CTNND2: variants seen among roughly 807,000 people sequenced by gnomAD.
CTNND2 encodes the protein catenin delta 2, also known as catenin delta-2.
In CTNND2, 22 loss-of-function variants were observed where a neutral mutation model predicts 144.4. That is an observed-to-expected ratio of 0.15 (90% confidence interval 0.11 to 0.22). The LOEUF (loss-of-function observed/expected upper bound fraction) is 0.22, where lower values mean the gene tolerates loss of function less well. CTNND2 is among the 10% of genes least tolerant of loss of function. The probability of loss-of-function intolerance (pLI) is 1.00; values close to 1 mark genes in which losing one functional copy is unlikely to be tolerated. For synonymous variants in CTNND2, 751 were observed against 695.6 expected (o/e 1.08, Z -1.25); for missense variants, 1,353 against 1,618.8 (o/e 0.84, Z 2.82).
At chr5:11,654,879 T>C (rs1438126156) in intron 2 of CTNND2, among the ~76,000 whole-genome samples, 1 of 152,068 alleles carries the variant, frequency 6.6e-6, no homozygotes, top group South Asian at 2.1e-4. Flanking sequence ...ATGATGTTAG[T>C]TGCAGCCTTG....
intron 16 of CTNND2, among the ~76,000 whole-genome samples, chr5:11,055,839 G>A (rs1423749166): frequency 6.6e-6 from 1 of 152,192 alleles, no homozygotes; most frequent in Non-Finnish European, 1.5e-5. Flanking sequence ...GGTCCTTGTG[G>A]ATGGCAGGTA....
chr5:11,253,119 A>T (rs1355504607), intron 9 of CTNND2, among the ~76,000 whole-genome samples: 1 of 152,140 alleles, frequency 6.6e-6, no homozygotes, highest in African/African-American at 2.4e-5. Context: ...AAAAGGTCAT[A>T]CCTGAAGAAA....
At chr5:11,618,402 G>A (rs1304916408) in intron 2 of CTNND2, among the ~76,000 whole-genome samples, 1 of 152,148 alleles carries the variant, frequency 6.6e-6, no homozygotes, top group Non-Finnish European at 1.5e-5. Flanking sequence ...GCTAGTTCAG[G>A]TCAGGTTTGG....
Position 11,365,673 on chromosome 5 carries a change from C to T in CTNND2, c.1178-783G>A, listed in dbSNP as rs565119635. On this transcript the variant is annotated intron_variant, in intron 7 of 21. Coordinates refer to ENST00000304623, the MANE Select transcript of CTNND2 (RefSeq NM_001332.4). ...GGCAATGCTATGGACCAGAGAATCA[C>T]GAGAAAGTCTCTGAAGAAAGGAAGC... 6.6e-5 allele frequency among the ~76,000 whole-genome samples: 10 copies of T among 152,202 alleles called. No homozygotes were observed. The South Asian group carries it at 1.7e-3, about 25-fold the overall frequency.
At position 11,384,586 on chromosome 5, in the gene CTNND2, T is replaced by G; in HGVS notation, c.1177+79A>C. 7.2e-7 allele frequency: 1 copy of G among 1,390,268 alleles called. No homozygotes were observed. The highest frequency in any genetic ancestry group is 2.5e-5 in the East Asian group (1 of 40,296). 86.1% of individuals were successfully genotyped at this position (1,390,268 alleles called of 1,614,324 possible). ...GGCAGACAGCGCGCCCGGCTTCGCT[T>G]CTGCTCAAGCCGGGCTGCTGCTTCC... On this transcript the variant is annotated intron_variant, in intron 7 of 21. Transcript: ENST00000304623. The surrounding 1 kb of genome is among the most constrained non-coding windows in gnomAD (Gnocchi z 5.2).
chr5:11,695,104 C>T (rs904069153), intron 2 of CTNND2, among the ~76,000 whole-genome samples: 5 of 151,984 alleles, frequency 3.3e-5, no homozygotes, highest in African/African-American at 4.8e-5. Context: ...GATAGAAAAC[C>T]ACTAGCTTCC....
chr5:11,569,609 C>T (rs1017325911), intron 2 of CTNND2, among the ~76,000 whole-genome samples: 1 of 151,958 alleles, frequency 6.6e-6, no homozygotes, highest in Non-Finnish European at 1.5e-5. Context: ...AAACTCATCG[C>T]CATAGTTTCA....
intron 2 of CTNND2, among the ~76,000 whole-genome samples, chr5:11,603,381 C>T (rs1204320550): frequency 6.6e-6 from 1 of 152,156 alleles, no homozygotes; most frequent in Non-Finnish European, 1.5e-5. Flanking sequence ...GTCACAGTTG[C>T]AGTGGCTCTC....
chr5:11,560,408 T>C (rs2150099989), intron 3 of CTNND2, among the ~76,000 whole-genome samples: 1 of 152,314 alleles, frequency 6.6e-6, no homozygotes, highest in African/African-American at 2.4e-5. Context: ...ATAAGAGTGG[T>C]CCAACTGTGA....
At position 11,167,696 on chromosome 5, in the gene CTNND2, C is replaced by CT. The variant is rs34347219; in HGVS notation, c.1976-7938dup. On this transcript the variant is annotated intron_variant, in intron 11 of 21. Coordinates refer to ENST00000304623, the MANE Select transcript of CTNND2 (RefSeq NM_001332.4). ...GGCAAGAAGCCAGAAGTCATATTCA[C>CT]TTTTTTTTTTTTTTTTTCAGACAGA... Among the ~76,000 whole-genome samples the CT allele has an allele frequency of 7.4e-3, 1,020 of 137,762 alleles. 2 individuals carry two copies. The highest frequency in any genetic ancestry group is 0.012 in the African/African-American group (448 of 37,754). 90.4% of individuals were successfully genotyped at this position (137,762 alleles called of 152,430 possible).
chr5:11,311,376 A>G (rs2530221), intron 9 of CTNND2, among the ~76,000 whole-genome samples: 44,993 of 73,280 alleles, frequency 0.61, 12,679 homozygotes, highest in East Asian at 0.64. Flanking sequence ...CATATACTCT[A>G]ACATTCTCTC....
At chr5:11,532,406 CATAAG>C (rs1460657473) in intron 3 of CTNND2, among the ~76,000 whole-genome samples, 1 of 147,142 alleles carries the variant, frequency 6.8e-6, no homozygotes, top group Non-Finnish European at 1.5e-5. Flanking sequence ...TTATTGGAAA[CATAAG>C]ATATTTAATT....
In CTNND2 at chr5:11,358,337, T is replaced by G. The variant is rs546841129; in HGVS notation, c.1372+6359A>C. Among the ~76,000 whole-genome samples the G allele has an allele frequency of 2.6e-5, 4 of 152,328 alleles. No homozygotes were observed. The South Asian group carries it at 8.3e-4, about 32-fold the overall frequency. On this transcript the variant is annotated intron_variant, in intron 8 of 21. Transcript: ENST00000304623. The stretch of plus-strand genomic sequence containing the variant: ...ATTAGACTTCTTATTTATACCTTTT[T>G]AAGTGAATCCACACAGGTAAGCATC...
At chr5:11,483,205 ATG>A (rs2149979384) in intron 3 of CTNND2, among the ~76,000 whole-genome samples, 1 of 152,304 alleles carries the variant, frequency 6.6e-6, no homozygotes, top group African/African-American at 2.4e-5. Flanking sequence ...TTGAATACAC[ATG>A]TGATAACAGG....
intron 18 of CTNND2, among the ~76,000 whole-genome samples, chr5:11,010,911 C>T (rs1741007614): frequency 6.6e-6 from 1 of 152,238 alleles, no homozygotes; most frequent in Admixed American, 6.5e-5. Context: ...TTTACGTTTT[C>T]TTTCTCTCAT....
In CTNND2 at chr5:10,973,420, T is replaced by C. The variant is rs1327244587; in HGVS notation, c.*33A>G. On this transcript the variant is annotated 3_prime_UTR_variant, in exon 22 of 22. Coordinates refer to ENST00000304623, the MANE Select transcript of CTNND2 (RefSeq NM_001332.4). The surrounding 1 kb of genome is among the most constrained non-coding windows in gnomAD (Gnocchi z 5.6). ...AAATGTCTTGTGGTATGCATGCACA[T>C]GCACTGTTCCCGGAGCGCCTGTGCC... 1.3e-6 allele frequency: 2 copies of C among 1,532,888 alleles called. No individual in the cohort carries two copies. The highest frequency in any genetic ancestry group is 2.3e-5 in the East Asian group (1 of 43,948). 95.0% of individuals were successfully genotyped at this position (1,532,888 alleles called of 1,614,324 possible).
rs771740653 is a variant in CTNND2 at position 10,981,210 on chromosome 5, A to G, written c.3417+563T>C. Among the ~76,000 whole-genome samples the G allele has an allele frequency of 2.8e-4, 42 of 152,312 alleles. 1 individual carries two copies. The highest frequency in any genetic ancestry group is 4.1e-4 in the South Asian group (2 of 4,828). ...GAATCTCTCCTGTGTTTCTAACAAGATTCTGGGTAACATTGATGCTGCTGG... is the reference window on the plus strand; with the variant it reads ...GAATCTCTCCTGTGTTTCTAACAAGGTTCTGGGTAACATTGATGCTGCTGG... On this transcript the variant is annotated intron_variant, in intron 21 of 21. Transcript: ENST00000304623.
At chr5:11,069,669 CAGACAGACAGAG>C (rs1213709261) in intron 16 of CTNND2, among the ~76,000 whole-genome samples, 2,437 of 37,250 alleles carry the variant, frequency 0.065, 62 homozygotes, top group African/African-American at 0.29. Flanking sequence ...GAGAGACAGA[CAGACAGACAGAG>C]AGACAGAGAG....
intron 2 of CTNND2, among the ~76,000 whole-genome samples, chr5:11,673,487 G>A (rs1183747733): frequency 6.6e-6 from 1 of 152,108 alleles, no homozygotes; most frequent in Admixed American, 6.6e-5. Flanking sequence ...TGAAATTGCA[G>A]TAAATGATTA....
Sources: allele counts gnomAD v4.1 joint callset (sites outside exome capture counted in the v4.1 genomes callset), GRCh38; gene constraint gnomAD v4.1.1; non-coding constraint Gnocchi (gnomAD v3.1); transcripts MANE v1.5; gene names NCBI Gene and HGNC (gene_info 2026-07-23, HGNC 2026-07-21).